Variants in GPATCH8 observed in about 807,000 individuals in gnomAD.
GPATCH8 encodes G-patch domain containing 8.
Under a neutral mutation model 118.3 loss-of-function variants are expected in GPATCH8, and 18 were observed. That is an observed-to-expected ratio of 0.15 (90% confidence interval 0.11 to 0.23). GPATCH8 has a LOEUF of 0.23. Among genes scored for constraint, GPATCH8 ranks in the 10% least tolerant of loss-of-function variants. The probability of loss-of-function intolerance (pLI) is 1.00; values close to 1 mark genes in which losing one functional copy is unlikely to be tolerated. For synonymous variants in GPATCH8, 659 were observed against 684.7 expected, an observed-to-expected ratio of 0.96 and a Z score of 0.59; for missense variants, 1,631 against 1,873.8, an observed-to-expected ratio of 0.87 and a Z score of 2.39.
At chr17:44,424,294 ATTG>A (rs950766698) in intron 6 of GPATCH8, 52 bp downstream of exon 6, 89 of 1,265,428 alleles carry the variant, frequency 7.0e-5, no homozygotes, top group Middle Eastern at 3.8e-4. Flanking sequence ...ATAAAATCCA[ATTG>A]TTGTAACAAT....
chr17:44,500,394 T>C (rs1969971255), intron 1 of GPATCH8, among the ~76,000 whole-genome samples: 2 of 152,226 alleles, frequency 1.3e-5, no homozygotes, highest in African/African-American at 4.8e-5. Context: ...TTTGTTATTA[T>C]AATAAAGTTA....
At chr17:44,435,760 A>C (rs1401021011) in intron 4 of GPATCH8, among the ~76,000 whole-genome samples, 1 of 141,774 alleles carries the variant, frequency 7.1e-6, no homozygotes, top group East Asian at 2.4e-4. Context: ...AGTGGCTCAC[A>C]CCTGTAATCC....
At chr17:44,476,480 C>T (rs994679241) in intron 1 of GPATCH8, among the ~76,000 whole-genome samples, 1 of 152,222 alleles carries the variant, frequency 6.6e-6, no homozygotes, top group Admixed American at 6.5e-5. Context: ...GCTGGGATTA[C>T]AGGCGTGAGC....
chr17:44,425,191 G>C (rs947682775), intron 5 of GPATCH8, among the ~76,000 whole-genome samples: 15 of 152,194 alleles, frequency 9.9e-5, no homozygotes, highest in Admixed American at 8.5e-4. Context: ...ATGTCGCACA[G>C]AAGGATGAGA....
At position 44,398,704 on chromosome 17, in the gene GPATCH8, C is replaced by G. The variant is rs2048878917; in HGVS notation, c.3373G>C (p.Asp1125His). The change falls in exon 8 of 8, where the codon GAC (aspartate) becomes CAC (histidine). Residue 1125 changes from aspartate to histidine, a missense_variant. Asp to His is a moderately conservative substitution (Grantham distance 81, BLOSUM62 -1). This residue lies in a region of GPATCH8 where 922 missense variants were observed against 879.7 expected (regional missense o/e 1.05). Transcript: ENST00000591680. The part of the protein sequence containing the change: ...TPNKAGPKLK[D>H]PPQGYFGPKL... ...GGCCCAAAGTAACCTTGTGGGGGGT[C>G]CTTGAGCTTGGGCCCAGCTTTATTA... 6.3e-7 allele frequency: 1 copy of G among 1,597,536 alleles called. No homozygotes were observed. The highest frequency in any genetic ancestry group is 8.5e-7 in the Non-Finnish European group (1 of 1,170,350).
At position 44,399,091 on chromosome 17, in the gene GPATCH8, T is replaced by C; in HGVS notation, c.2986A>G (p.Thr996Ala). The change falls in exon 8 of 8, where the codon ACC (threonine) becomes GCC (alanine). Residue 996 changes from threonine to alanine, a missense_variant. Coordinates refer to ENST00000591680, the MANE Select transcript of GPATCH8 (RefSeq NM_001002909.4). ...CCTGATCTCTGGGAAGGGCTCCTGG[T>C]GCTGCGGCTGCGGTCCCGGCTATAG... ...RSYSRDRSRS[T>A]RSPSQRSGSR... 2 of 1,613,920 alleles carry C rather than the reference T, an allele frequency of 1.2e-6. No individual in the cohort carries two copies. The highest frequency in any genetic ancestry group is 2.7e-5 in the African/African-American group (2 of 75,028).
intron 1 of GPATCH8, among the ~76,000 whole-genome samples, chr17:44,497,105 G>T (rs1352334536): frequency 6.6e-6 from 1 of 152,126 alleles, no homozygotes; most frequent in African/African-American, 2.4e-5. Context: ...AGACTTACAA[G>T]CAAAAGTACC....
intron 1 of GPATCH8, among the ~76,000 whole-genome samples, chr17:44,498,785 G>A (rs1007502436): frequency 1.3e-5 from 2 of 152,128 alleles, no homozygotes; most frequent in Admixed American, 6.5e-5. Flanking sequence ...TAGGAAAAAC[G>A]ATTTAAAACA....
At chr17:44,441,728 C>T (rs1404464570) in intron 3 of GPATCH8, among the ~76,000 whole-genome samples, 1 of 142,528 alleles carries the variant, frequency 7.0e-6, no homozygotes, top group Admixed American at 7.2e-5. Flanking sequence ...CTTCCCCCCG[C>T]CCCCCAAAAA....
At chr17:44,458,255 GAA>G (rs542843854) in intron 3 of GPATCH8, among the ~76,000 whole-genome samples, 17 of 74,952 alleles carry the variant, frequency 2.3e-4, no homozygotes, top group Non-Finnish European at 1.9e-4. Flanking sequence ...TGTCTCAAAG[GAA>G]AAAAAAAAAA....
chr17:44,444,966 T>C (rs972760518), intron 3 of GPATCH8, among the ~76,000 whole-genome samples: 1 of 152,218 alleles, frequency 6.6e-6, no homozygotes, highest in Non-Finnish European at 1.5e-5. Flanking sequence ...TGCGCGCCGC[T>C]TAACATCACA....
intron 7 of GPATCH8, among the ~76,000 whole-genome samples, chr17:44,405,398 G>A (rs1388746897): frequency 6.6e-6 from 1 of 151,634 alleles, no homozygotes; most frequent in Non-Finnish European, 1.5e-5. Context: ...AGTATAGACG[G>A]GGTTTCTCCA....
In GPATCH8 at chr17:44,398,949, C is replaced by CGGGAA; in HGVS notation, c.3127_3128insTTCCC (p.Arg1043LeufsTer68). ...ATCTTTCTTCCCAGGACCTTCTCCCCGGCCTGATCGGAAATAGTGGGGGGA... is the reference window on the plus strand; with the variant it reads ...ATCTTTCTTCCCAGGACCTTCTCCCCGGGAAGGCCTGATCGGAAATAGTGGGGGGA... On this transcript the variant is annotated frameshift_variant, in exon 8 of 8. Transcript: ENST00000591680. LOFTEE classifies it high-confidence loss of function. 1 of 1,614,154 alleles carries CGGGAA rather than the reference C, an allele frequency of 6.2e-7. No homozygotes were observed. The highest frequency in any genetic ancestry group is 8.5e-7 in the Non-Finnish European group (1 of 1,180,010).
At chr17:44,495,504 A>C (rs926404062) in intron 1 of GPATCH8, among the ~76,000 whole-genome samples, 3 of 152,196 alleles carry the variant, frequency 2.0e-5, no homozygotes, top group Non-Finnish European at 4.4e-5. Context: ...TACTTATGTT[A>C]TCTCTCCAAC....
At chr17:44,465,132 C>T (rs1209065128) in intron 2 of GPATCH8, 2 of 150,248 alleles carry the variant, frequency 1.3e-5, no homozygotes, top group South Asian at 2.1e-4. Context: ...TAGCATGCAG[C>T]CAATATTAAA....
intron 2 of GPATCH8, among the ~76,000 whole-genome samples, chr17:44,472,727 G>A (rs1301605548): frequency 6.6e-6 from 1 of 151,878 alleles, no homozygotes; most frequent in African/African-American, 2.4e-5. Flanking sequence ...ATGGAGTCTC[G>A]CTCTGTCACC....
At chr17:44,431,384 A>G (rs1421994390) in intron 5 of GPATCH8, among the ~76,000 whole-genome samples, 3 of 150,842 alleles carry the variant, frequency 2.0e-5, no homozygotes, top group Non-Finnish European at 4.4e-5. Context: ...AAAGGAAAAA[A>G]AAAAAAAAAA....
Position 44,398,193 on chromosome 17 carries a change from T to A in GPATCH8, c.3884A>T (p.Asp1295Val). 1 of 1,613,666 alleles carries A rather than the reference T, an allele frequency of 6.2e-7. No individual in the cohort carries two copies. Among genetic ancestry groups the A allele is most frequent in the Non-Finnish European group, 8.5e-7 (1 of 1,179,686 alleles). ...GGCCAGTGAAGCATCCTCAGCCCCATCTGTTGACTCAATACTAGGATCCCC... is the reference window on the plus strand; with the variant it reads ...GGCCAGTGAAGCATCCTCAGCCCCAACTGTTGACTCAATACTAGGATCCCC... ...PSGDPSIEST[D>V]GAEDASLAPL... is the part of the protein sequence containing the mutation. The change falls in exon 8 of 8, where the codon GAT (aspartate) becomes GTT (valine). Residue 1295 changes from aspartate (D) to valine (V), a missense_variant. By Grantham distance (152) the Asp-to-Val change is radical. Coordinates refer to ENST00000591680, the MANE Select transcript of GPATCH8 (RefSeq NM_001002909.4).
chr17:44,466,283 C>T lies in GPATCH8; in HGVS notation c.121-1739G>A, dbSNP rs568541694. Among the ~76,000 whole-genome samples the T allele has an allele frequency of 3.3e-5, 5 of 152,240 alleles. No individual in the cohort carries two copies. In the South Asian group the frequency reaches 1.0e-3, roughly 32 times the overall value. ...TCAGCCTCTCAAAGTACTGGGATTACAGGCATGAACCCAGGATACTTTTCT... is the reference window on the plus strand; with the variant it reads ...TCAGCCTCTCAAAGTACTGGGATTATAGGCATGAACCCAGGATACTTTTCT... On this transcript the variant is annotated intron_variant, in intron 2 of 7. Coordinates refer to ENST00000591680, the MANE Select transcript of GPATCH8 (RefSeq NM_001002909.4).
Sources: allele counts gnomAD v4.1 joint callset (sites outside exome capture counted in the v4.1 genomes callset), GRCh38; gene constraint gnomAD v4.1.1; regional missense constraint gnomAD v4.1.1; transcripts MANE v1.5; gene names NCBI Gene and HGNC (gene_info 2026-07-23, HGNC 2026-07-21).